Variants in TNRC18 observed in about 807,000 individuals in gnomAD.
TNRC18 encodes the protein trinucleotide repeat containing 18.
In TNRC18, 69 loss-of-function variants were observed where a neutral mutation model predicts 226.7. The observed-to-expected ratio is 0.30, with a 90% CI of 0.25 to 0.37. TNRC18 has a LOEUF of 0.37. TNRC18 is among the 10% of genes least tolerant of loss of function. The pLI is 1.00. For synonymous variants in TNRC18, 2,449 were observed against 1,927.6 expected (o/e 1.27, Z -7.09); for missense variants, 4,754 against 4,256.6 (o/e 1.12, Z -3.25).
Position 5,421,410 on chromosome 7 carries a change from G to T in TNRC18, c.-164C>A. ...GGCTTGCGCTCGGCGGCGGGCCCGC[G>T]GCCCGGGGCGCACAGGCGGCCGGCG... On this transcript the variant is annotated 5_prime_UTR_variant, in exon 2 of 30. Coordinates refer to ENST00000430969, the MANE Select transcript of TNRC18 (RefSeq NM_001080495.3). The T allele has an allele frequency of 2.1e-6, 1 of 484,150 alleles. No homozygotes were observed. The highest frequency in any genetic ancestry group is 2.7e-6 in the Non-Finnish European group (1 of 367,852). The allele number at this position is 484,150 out of a possible 1,614,324, so 30.0% of individuals were successfully genotyped here.
rs753559516 is a variant in TNRC18, at chr7:5,309,342, G to A, written c.8415C>T (p.Arg2805=). The A allele has an allele frequency of 2.5e-6, 4 of 1,613,506 alleles. No homozygotes were observed. The highest frequency in any genetic ancestry group is 1.1e-5 in the South Asian group (1 of 91,006). The change falls in exon 28 of 30, where the codon CGC becomes CGT. Residue 2805 remains arginine (R), a synonymous_variant. Coordinates refer to ENST00000430969, the MANE Select transcript of TNRC18 (RefSeq NM_001080495.3). The surrounding 1 kb of genome is among the most constrained non-coding windows in gnomAD (Gnocchi z 5.7). ...GCACGATGGCCTTGTAGAAGAGCTTGCGGGCCTTGCCCTTCATGCCACGCC... is the reference window on the plus strand; with the variant it reads ...GCACGATGGCCTTGTAGAAGAGCTTACGGGCCTTGCCCTTCATGCCACGCC... ...TQRRGMKGKA[R]KLFYKAIVRG... is the part of the protein sequence containing the mutation.
chr7:5,378,711 C>T (rs1779181660), intron 5 of TNRC18, among the ~76,000 whole-genome samples: 2 of 151,964 alleles, frequency 1.3e-5, no homozygotes, highest in Admixed American at 6.6e-5. Flanking sequence ...AGTCACCGAG[C>T]CCCGCCACTA....
intron 2 of TNRC18, among the ~76,000 whole-genome samples, chr7:5,404,244 G>T (rs1445725243): frequency 6.6e-6 from 1 of 152,170 alleles, no homozygotes; most frequent in East Asian, 1.9e-4. Context: ...GGTGGCACAT[G>T]CCTGTAATCC....
rs535428715 is a variant in TNRC18 at position 5,404,690 on chromosome 7, C to T, written c.188-10095G>A. Among the ~76,000 whole-genome samples, 80 of 152,102 alleles carry T rather than the reference C, an allele frequency of 5.3e-4. 3 individuals are homozygous for T. The South Asian group carries it at 0.015, about 29-fold the overall frequency. On this transcript the variant is annotated intron_variant, in intron 2 of 29. Coordinates refer to ENST00000430969, the MANE Select transcript of TNRC18 (RefSeq NM_001080495.3). ...AGGCAGACCTACTTACTGGGATGCT[C>T]GCTGCAGCCAAAATGATCTGCAGAT...
intron 18 of TNRC18, among the ~76,000 whole-genome samples, chr7:5,343,134 A>G (rs1790844141): frequency 6.6e-6 from 1 of 152,160 alleles, no homozygotes; most frequent in African/African-American, 2.4e-5. Context: ...CGGACAGATC[A>G]CCTGAGGTCA....
At position 5,362,644 on chromosome 7, in the gene TNRC18, G is replaced by A. The variant is rs376844108; in HGVS notation, c.4395+6C>T. On this transcript the variant is annotated splice_donor_region_variant and intron_variant, in intron 12 of 29. Transcript: ENST00000430969. The stretch of plus-strand genomic sequence containing the variant: ...GACCCCAGGGAGGAAGCAGCCAGCC[G>A]CTCACCCGCTCCTCCTTCTTGCGCA... 962 of 1,553,282 alleles carry A rather than the reference G, an allele frequency of 6.2e-4. 7 individuals are homozygous for A. The South Asian group carries it at 7.3e-3, about 12-fold the overall frequency.
In TNRC18 at chr7:5,359,552, A is replaced by G. The variant is rs963626874; in HGVS notation, c.4679T>C (p.Leu1560Pro). ...HSSGKLSSKS[L>P]LTSDDYELGA... is the part of the protein sequence containing the mutation. Reference sequence around the variant, plus strand: ...CAGCTCATAATCATCTGATGTCAGCAGAGACTTGCTGCTCAGCCTGAAACG... The same window carrying G: ...CAGCTCATAATCATCTGATGTCAGCGGAGACTTGCTGCTCAGCCTGAAACG... The change falls in exon 15 of 30, where the codon CTG becomes CCG. Residue 1560 changes from leucine (L) to proline (P), a missense_variant. By Grantham distance (98) the Leu-to-Pro change is moderately conservative (BLOSUM62 -3). Transcript: ENST00000430969. The G allele has an allele frequency of 1.1e-5, 18 of 1,613,814 alleles. No individual in the cohort carries two copies. In the Admixed American group the frequency reaches 1.3e-4, roughly 12 times the overall value.
chr7:5,355,198 A>G (rs78617090), intron 16 of TNRC18, among the ~76,000 whole-genome samples: 5,516 of 152,312 alleles, frequency 0.036, 328 homozygotes, highest in African/African-American at 0.13. Context: ...GATACTGAGC[A>G]AGCACCCACT....
intron 12 of TNRC18, 61 bp from the exon 13 acceptor site, chr7:5,362,094 C>T (rs998679522): frequency 2.4e-5 from 38 of 1,580,512 alleles, no homozygotes; most frequent in Non-Finnish European, 3.1e-5. Flanking sequence ...CGACGCCCAC[C>T]GCCCACCCAG....
chr7:5,345,501 TG>T, intron 18 of TNRC18, 60 bp downstream of exon 18: 1 of 1,264,978 alleles, frequency 7.9e-7, no homozygotes, highest in Non-Finnish European at 1.1e-6. Context: ...ACCTGTGGGA[TG>T]GGGCAATGGC....
Position 5,377,530 on chromosome 7 carries a change from A to C in TNRC18, c.2302T>G (p.Cys768Gly), listed in dbSNP as rs1245653764. The change falls in exon 7 of 30, where the codon TGT becomes GGT. Residue 768 changes from cysteine to glycine, a missense_variant. Physicochemically the swap from Cys to Gly is radical, Grantham distance 159 (BLOSUM62 -3). Coordinates refer to ENST00000430969, the MANE Select transcript of TNRC18 (RefSeq NM_001080495.3). This position sits in a 1 kb window ranked among gnomAD's most constrained non-coding sequence, Gnocchi z 5.8. Reference protein sequence around the residue: ...ADLARLHPTSCAPNGLNPNLM... With the variant: ...ADLARLHPTSGAPNGLNPNLM... ...TTGGGGTTCAGGCCGTTAGGAGCAC[A>C]GCTGGTAGGGTGCAGGCGGGCCAGG... The C allele has an allele frequency of 1.3e-6, 2 of 1,591,354 alleles. No individual in the cohort carries two copies. Among genetic ancestry groups the C allele is most frequent in the Non-Finnish European group, 8.6e-7 (1 of 1,169,480 alleles).
In TNRC18 at chr7:5,421,229, G is replaced by T; in HGVS notation, c.18C>A (p.Phe6Leu). The T allele has an allele frequency of 7.6e-7, 1 of 1,307,894 alleles. No individual in the cohort carries two copies. Among genetic ancestry groups the T allele is most frequent in the South Asian group, 2.5e-5 (1 of 39,462 alleles). The allele number at this position is 1,307,894 out of a possible 1,614,324, so 81.0% of individuals were successfully genotyped here. MDGRD[F>L]GPQRSVHGPP... ...GACCGTGCACGGACCGCTGGGGCCC[G>T]AAGTCTCGGCCATCCATCCTCCGCG... Residue 6 changes from phenylalanine (F) to leucine (L), a missense_variant, in exon 2 of 30, where the codon TTC (phenylalanine) becomes TTA (leucine). Phe to Leu is a conservative substitution (Grantham distance 22, BLOSUM62 0). Coordinates refer to ENST00000430969, the MANE Select transcript of TNRC18 (RefSeq NM_001080495.3).
At chr7:5,317,999 G>A (rs1788021627) in intron 24 of TNRC18, among the ~76,000 whole-genome samples, 1 of 151,958 alleles carries the variant, frequency 6.6e-6, no homozygotes, top group African/African-American at 2.4e-5. Context: ...AGCCTCCCGA[G>A]TAGCTGGGAT....
At chr7:5,403,366 G>T (rs1371556512) in intron 2 of TNRC18, among the ~76,000 whole-genome samples, 1 of 152,074 alleles carries the variant, frequency 6.6e-6, no homozygotes, top group Admixed American at 6.6e-5. Context: ...CTCCATGTTG[G>T]TCAGGCTGGT....
In TNRC18 at chr7:5,394,298, T is replaced by C. The variant is rs1217873839; in HGVS notation, c.343+142A>G. The C allele has an allele frequency of 1.5e-5, 11 of 730,928 alleles. No individual in the cohort carries two copies. The highest frequency in any genetic ancestry group is 2.3e-5 in the Non-Finnish European group (11 of 474,150). The allele number at this position is 730,928 out of a possible 1,614,324, so 45.3% of individuals were successfully genotyped here. A position where few individuals can be genotyped will look rare whatever the true frequency, so the allele number is the denominator to read the frequency against. ...AGTGACAAGAAGAAGCCCTGAGCGT[T>C]TGAGAAACAACAGGGAAGCCAGGTG... is the stretch of plus-strand genomic sequence containing the variant. On this transcript the variant is annotated intron_variant, in intron 3 of 29. Coordinates refer to ENST00000430969, the MANE Select transcript of TNRC18 (RefSeq NM_001080495.3). The surrounding 1 kb of genome is among the most constrained non-coding windows in gnomAD (Gnocchi z 4.5).
At chr7:5,417,231 G>A (rs1358581573) in intron 2 of TNRC18, among the ~76,000 whole-genome samples, 1 of 151,812 alleles carries the variant, frequency 6.6e-6, no homozygotes, top group Non-Finnish European at 1.5e-5. Context: ...ACTTTGGGAG[G>A]CCAAGGCAGG....
chr7:5,414,466 G>C (rs1257777544), intron 2 of TNRC18, among the ~76,000 whole-genome samples: 1 of 151,500 alleles, frequency 6.6e-6, no homozygotes, highest in African/African-American at 2.4e-5. Context: ...AGGCTGGAGT[G>C]CAATGGCGCG....
chr7:5,317,264 G>C (rs1345601468), intron 24 of TNRC18, among the ~76,000 whole-genome samples: 3 of 152,138 alleles, frequency 2.0e-5, no homozygotes, highest in South Asian at 2.1e-4. Flanking sequence ...AGCAGAAGGA[G>C]GGGGGACCGG....
Position 5,327,245 on chromosome 7 carries a change from C to T in TNRC18, c.6148-1997G>A, listed in dbSNP as rs983974808. Among the ~76,000 whole-genome samples the T allele has an allele frequency of 4.6e-5, 7 of 152,114 alleles. 1 individual carries two copies. ...AAGACAACAACAGAAGTCACAGCGT[C>T]CATATCCAAAATGAAAGTCAAAGCA... is the stretch of plus-strand genomic sequence containing the variant. On this transcript the variant is annotated intron_variant, in intron 19 of 29. Transcript: ENST00000430969.
Sources: gnomAD v4.1 joint callset for allele counts (sites outside exome capture counted in the v4.1 genomes callset) on GRCh38, gnomAD v4.1.1 for gene constraint, Gnocchi (gnomAD v3.1) non-coding constraint, MANE v1.5 for transcripts, NCBI Gene and HGNC (gene_info 2026-07-23, HGNC 2026-07-21) for gene names.